Variants in SYNE2 observed in about 807,000 individuals in gnomAD.
SYNE2 encodes the protein nesprin-2.
In SYNE2, 431 loss-of-function variants were observed where a neutral mutation model predicts 856.3. The observed-to-expected ratio is 0.50, with a 90% confidence interval of 0.47 to 0.55. SYNE2 has a LOEUF of 0.55. Among genes scored for constraint, SYNE2 ranks in the 20% least tolerant of loss-of-function variants. The probability of loss-of-function intolerance (pLI) is 0.00; values close to 1 mark genes in which losing one functional copy is unlikely to be tolerated. For synonymous variants in SYNE2, 2,923 were observed against 2,872.3 expected (o/e 1.02, Z -0.56); for missense variants, 8,129 against 8,023.2 (o/e 1.01, Z -0.50).
rs769764044 is a variant in SYNE2, at chr14:64,129,768, T to C, written c.14020-14T>C. Reference sequence around the variant, plus strand: ...ACTGAAGGGTTTTCTTTTCTTGTATTGTCTCTCACTTAGAAAGCAGATGCA... The same window carrying C: ...ACTGAAGGGTTTTCTTTTCTTGTATCGTCTCTCACTTAGAAAGCAGATGCA... On this transcript the variant is annotated splice_polypyrimidine_tract_variant and intron_variant, in intron 74 of 115. Coordinates refer to ENST00000555002, the MANE Select transcript of SYNE2 (RefSeq NM_182914.3). 8 of 1,613,964 alleles carry C rather than the reference T, an allele frequency of 5.0e-6. No homozygotes were observed. The Admixed American group carries it at 1.3e-4, about 27-fold the overall frequency.
chr14:63,823,180 ATCT>A (rs918741732), intron 1 of SYNE2, among the ~76,000 whole-genome samples: 46 of 151,688 alleles, frequency 3.0e-4, no homozygotes, highest in South Asian at 1.7e-3. Context: ...AGTCTACCAA[ATCT>A]TTTTTTTTTT....
At chr14:63,842,122 C>T (rs750635940) in intron 1 of SYNE2, among the ~76,000 whole-genome samples, 17 of 148,262 alleles carry the variant, frequency 1.1e-4, no homozygotes, top group African/African-American at 4.2e-4. Flanking sequence ...GCGTAAGCAC[C>T]GCGCCTGGCC....
At chr14:64,076,840 G>A (rs530835758) in intron 54 of SYNE2, among the ~76,000 whole-genome samples, 25 of 148,706 alleles carry the variant, frequency 1.7e-4, no homozygotes, top group African/African-American at 5.4e-4. Context: ...GCTAGAATAT[G>A]TCATTAATTC....
At chr14:63,974,892 G>GTGTGTGTGTATATATATATATATATATA (rs1375697679) in intron 11 of SYNE2, among the ~76,000 whole-genome samples, 1 of 67,330 alleles carries the variant, frequency 1.5e-5, no homozygotes, top group South Asian at 8.6e-4. Flanking sequence ...GTGTGTGTGT[G>GTGTGTGTGTATATATATATATATATATA]TATATATATA....
chr14:64,210,372 T>C (rs190717731), intron 103 of SYNE2, among the ~76,000 whole-genome samples: 8 of 152,336 alleles, frequency 5.3e-5, no homozygotes, highest in Admixed American at 3.3e-4. Flanking sequence ...CACAGCTCTT[T>C]TTACAACTTC....
At chr14:64,162,587 C>T (rs541045579) in intron 88 of SYNE2, 14 of 413,548 alleles carry the variant, frequency 3.4e-5, no homozygotes, top group African/African-American at 2.6e-4. Flanking sequence ...AGTGTCTCAA[C>T]TGAGTGTGAC....
At position 64,146,217 on chromosome 14, in the gene SYNE2, C is replaced by G; in HGVS notation, c.15633C>G (p.Asp5211Glu). 6.2e-7 allele frequency: 1 copy of G among 1,608,300 alleles called. No homozygotes were observed. The highest frequency in any genetic ancestry group is 8.5e-7 in the Non-Finnish European group (1 of 1,177,650). The change falls in exon 84 of 116, where the codon GAC (aspartate) becomes GAG (glutamate). Residue 5211 changes from aspartate (D) to glutamate (E), a missense_variant. Asp to Glu is a conservative substitution (Grantham distance 45, BLOSUM62 2). Transcript: ENST00000555002. ...SVISVQKLLL[D>E]CQDIENQLAI... Reference sequence around the variant, plus strand: ...TCTCAGTGCAGAAGCTGCTCCTGGACTGTCAGGTGAGGAGGGGAACAGCAT... The same window carrying G: ...TCTCAGTGCAGAAGCTGCTCCTGGAGTGTCAGGTGAGGAGGGGAACAGCAT...
At chr14:63,761,991 T>G in intron 1 of SYNE2, 1 of 419,838 alleles carries the variant, frequency 2.4e-6, no homozygotes, top group Non-Finnish European at 5.0e-6. Flanking sequence ...TGAGAGGTAA[T>G]AGGTTTTGAC....
chr14:64,086,084 A>G (rs1318319778), intron 57 of SYNE2, among the ~76,000 whole-genome samples: 4 of 152,106 alleles, frequency 2.6e-5, no homozygotes, highest in Admixed American at 2.6e-4. Context: ...TCCTTACCTA[A>G]CCCAGGGTTA....
At chr14:63,955,953 A>G (rs1418241556) in intron 8 of SYNE2, among the ~76,000 whole-genome samples, 1 of 152,222 alleles carries the variant, frequency 6.6e-6, no homozygotes, top group Non-Finnish European at 1.5e-5. Context: ...TCAGAACTTC[A>G]TATGTTCTTC....
intron 47 of SYNE2, 45 bp from the exon 48 acceptor site, chr14:64,051,510 GAA>G: frequency 6.6e-7 from 1 of 1,506,410 alleles, no homozygotes; most frequent in Non-Finnish European, 9.1e-7. Flanking sequence ...TTTTAATGTA[GAA>G]TAAGCATTAA....
At chr14:63,824,690 C>T (rs1287305160) in intron 1 of SYNE2, among the ~76,000 whole-genome samples, 1 of 150,488 alleles carries the variant, frequency 6.6e-6, no homozygotes, top group African/African-American at 2.4e-5. Context: ...GTTTGAAACA[C>T]AAAGGATAAG....
intron 34 of SYNE2, 86 bp from the exon 35 acceptor site, chr14:64,019,906 T>C: frequency 1.1e-6 from 1 of 902,038 alleles, no homozygotes; most frequent in East Asian, 2.5e-5. Context: ...TCTCTCAGTT[T>C]CTATATATAA....
chr14:63,862,681 G>A (rs1894062789), intron 1 of SYNE2, among the ~76,000 whole-genome samples: 1 of 152,128 alleles, frequency 6.6e-6, no homozygotes, highest in South Asian at 2.1e-4. Context: ...TGCCAAAATT[G>A]AATTGTTGCA....
chr14:63,887,749 CTTT>C (rs11450102), intron 1 of SYNE2, among the ~76,000 whole-genome samples: 1 of 108,276 alleles, frequency 9.2e-6, no homozygotes. Flanking sequence ...GTGAGTCCTG[CTTT>C]TTTTTTTTTT....
intron 9 of SYNE2, among the ~76,000 whole-genome samples, chr14:63,962,485 C>T (rs368438738): frequency 1.7e-4 from 26 of 152,306 alleles, no homozygotes; most frequent in African/African-American, 6.0e-4. Flanking sequence ...GCAACCCTCA[C>T]CATCATCTAA....
At chr14:64,025,445 C>T (rs2096970235) in intron 41 of SYNE2, 24 bp downstream of exon 41, 2 of 1,605,212 alleles carry the variant, frequency 1.2e-6, no homozygotes, top group South Asian at 2.2e-5. Flanking sequence ...AACTAAATTT[C>T]AGAAGTCTGA....
chr14:63,966,498 G>C (rs1212300490), intron 10 of SYNE2, among the ~76,000 whole-genome samples: 1 of 151,860 alleles, frequency 6.6e-6, no homozygotes, highest in Non-Finnish European at 1.5e-5. Context: ...ACTTCAGCCT[G>C]GGCGATAGAG....
intron 112 of SYNE2, among the ~76,000 whole-genome samples, chr14:64,222,684 C>G (rs2098700165): frequency 6.6e-6 from 1 of 152,158 alleles, no homozygotes; most frequent in Non-Finnish European, 1.5e-5. Context: ...CCAGATCGTG[C>G]CACTGTACTC....
Sources: gnomAD v4.1 joint callset for allele counts (sites outside exome capture counted in the v4.1 genomes callset) on GRCh38, gnomAD v4.1.1 for gene constraint, MANE v1.5 for transcripts, NCBI Gene and HGNC (gene_info 2026-07-23, HGNC 2026-07-21) for gene names.